CADM1: variants seen among roughly 807,000 people sequenced by gnomAD.
CADM1 encodes the protein cell adhesion molecule 1, also known as TSLC-1.
Under a neutral mutation model 53.1 loss-of-function variants are expected in CADM1, and 15 were observed. That is an observed-to-expected ratio of 0.28 (90% CI 0.19 to 0.44). CADM1 has a LOEUF of 0.44. Among genes scored for constraint, CADM1 ranks in the 20% least tolerant of loss-of-function variants. The probability of loss-of-function intolerance (pLI) is 1.00; values close to 1 mark genes in which losing one functional copy is unlikely to be tolerated. For missense variants in CADM1, 434 were observed against 611.3 expected (o/e 0.71, Z 3.06); for synonymous variants, 281 against 243.0 (o/e 1.16, Z -1.45).
intron 1 of CADM1, among the ~76,000 whole-genome samples, chr11:115,276,319 A>T (rs1943442469): frequency 6.6e-6 from 1 of 152,198 alleles, no homozygotes; most frequent in Admixed American, 6.5e-5. Flanking sequence ...GAACTGCTTA[A>T]AACAATAGGC....
At chr11:115,295,789 C>G (rs1347100539) in intron 1 of CADM1, among the ~76,000 whole-genome samples, 12 of 151,784 alleles carry the variant, frequency 7.9e-5, no homozygotes, top group Admixed American at 7.9e-4. Flanking sequence ...TGTTCTCTCA[C>G]CATGACTTGG....
At chr11:115,405,900 G>A (rs1332569665) in intron 1 of CADM1, among the ~76,000 whole-genome samples, 1 of 152,158 alleles carries the variant, frequency 6.6e-6, no homozygotes, top group East Asian at 1.9e-4. Flanking sequence ...AGTAAGGTGA[G>A]GGAGGGGGCA....
intron 1 of CADM1, among the ~76,000 whole-genome samples, chr11:115,442,852 T>C (rs541254026): frequency 3.3e-5 from 5 of 152,296 alleles, no homozygotes; most frequent in East Asian, 1.9e-4. Flanking sequence ...GAGGACAAGA[T>C]ACATGATTTA....
chr11:115,343,494 T>C (rs1945500255), intron 1 of CADM1, among the ~76,000 whole-genome samples: 1 of 152,096 alleles, frequency 6.6e-6, no homozygotes, highest in Admixed American at 6.6e-5. Flanking sequence ...CTGGTTAACT[T>C]ATACAGTCTC....
At chr11:115,274,046 G>A (rs1042954391) in intron 1 of CADM1, among the ~76,000 whole-genome samples, 4 of 152,172 alleles carry the variant, frequency 2.6e-5, no homozygotes, top group Admixed American at 6.5e-5. Flanking sequence ...CTTCCTACCC[G>A]ATGCTTTTCA....
intron 1 of CADM1, among the ~76,000 whole-genome samples, chr11:115,370,287 G>C (rs1177678304): frequency 1.3e-5 from 2 of 152,144 alleles, no homozygotes; most frequent in African/African-American, 4.8e-5. Flanking sequence ...AAGTTATAAG[G>C]AGAAAGCTTC....
intron 1 of CADM1, among the ~76,000 whole-genome samples, chr11:115,474,201 G>A (rs1449794623): frequency 7.0e-6 from 1 of 143,108 alleles, no homozygotes; most frequent in Non-Finnish European, 1.5e-5. Flanking sequence ...TGAGGCAGGA[G>A]AATGGCGTGA....
chr11:115,338,297 G>T (rs549365379), intron 1 of CADM1, among the ~76,000 whole-genome samples: 1 of 152,104 alleles, frequency 6.6e-6, no homozygotes, highest in East Asian at 1.9e-4. Flanking sequence ...AAATTAAGTC[G>T]CAAAAAATTC....
At chr11:115,182,376 A>G (rs1301605982) in intron 10 of CADM1, among the ~76,000 whole-genome samples, 4 of 152,216 alleles carry the variant, frequency 2.6e-5, no homozygotes, top group Admixed American at 6.5e-5. Context: ...CAAGTGTAAG[A>G]GTGTTTCTTT....
chr11:115,457,808 T>C (rs759319041), intron 1 of CADM1, among the ~76,000 whole-genome samples: 3 of 152,076 alleles, frequency 2.0e-5, no homozygotes, highest in Non-Finnish European at 2.9e-5. Flanking sequence ...GAAAATGTCA[T>C]CTCAACCGTA....
At chr11:115,188,705 T>C (rs971512323) in intron 10 of CADM1, among the ~76,000 whole-genome samples, 1 of 152,220 alleles carries the variant, frequency 6.6e-6, no homozygotes, top group Non-Finnish European at 1.5e-5. Context: ...TGATGGACTG[T>C]TTAAGACGGG....
chr11:115,497,189 T>G (rs566674436), intron 1 of CADM1, among the ~76,000 whole-genome samples: 34 of 152,306 alleles, frequency 2.2e-4, no homozygotes, highest in African/African-American at 7.7e-4. Flanking sequence ...AATATCAACT[T>G]CAAACACTGA....
chr11:115,202,346 T>C (rs1337627450), intron 8 of CADM1, among the ~76,000 whole-genome samples: 1 of 152,140 alleles, frequency 6.6e-6, no homozygotes, highest in Non-Finnish European at 1.5e-5. Context: ...TTAAAACTAA[T>C]CCATAAATTG....
intron 1 of CADM1, among the ~76,000 whole-genome samples, chr11:115,265,468 A>C (rs1407782587): frequency 6.6e-6 from 1 of 151,984 alleles, no homozygotes; most frequent in Non-Finnish European, 1.5e-5. Flanking sequence ...CTAGCTTTTC[A>C]TTACTCAGCT....
intron 1 of CADM1, among the ~76,000 whole-genome samples, chr11:115,331,027 G>A (rs1055875273): frequency 2.6e-5 from 4 of 152,134 alleles, no homozygotes; most frequent in Non-Finnish European, 5.9e-5. Context: ...CAGGTTGCAG[G>A]TTGGGGGGCC....
At chr11:115,320,459 G>T (rs1447048628) in intron 1 of CADM1, among the ~76,000 whole-genome samples, 1 of 152,076 alleles carries the variant, frequency 6.6e-6, no homozygotes, top group Non-Finnish European at 1.5e-5. Context: ...AATAAAATTT[G>T]CAATTTCTTG....
intron 1 of CADM1, among the ~76,000 whole-genome samples, chr11:115,412,403 C>T (rs1947480954): frequency 2.0e-5 from 3 of 152,134 alleles, no homozygotes. Context: ...GCTATGTTGC[C>T]CAGGCTAGCC....
chr11:115,320,624 T>C (rs2135186755), intron 1 of CADM1, among the ~76,000 whole-genome samples: 1 of 152,154 alleles, frequency 6.6e-6, no homozygotes, highest in East Asian at 1.9e-4. Flanking sequence ...AATTGCAGAA[T>C]TAGTGTTTAG....
At chr11:115,224,038 C>T (rs1298213364) in intron 5 of CADM1, among the ~76,000 whole-genome samples, 2 of 147,678 alleles carry the variant, frequency 1.4e-5, no homozygotes, top group African/African-American at 5.0e-5. Context: ...AAAACGCCAG[C>T]TATTATGCTC....
Sources: gnomAD v4.1 joint callset for allele counts (sites outside exome capture counted in the v4.1 genomes callset) on GRCh38, gnomAD v4.1.1 for gene constraint, MANE v1.5 for transcripts, NCBI Gene and HGNC (gene_info 2026-07-23, HGNC 2026-07-21) for gene names.